The following NTRK3 variants were observed in gnomAD, a reference collection of about 807,000 sequenced individuals.
NTRK3 encodes neurotrophic receptor tyrosine kinase 3.
In NTRK3, 24 loss-of-function variants were observed where a neutral mutation model predicts 91.7. That is an observed-to-expected ratio of 0.26 (90% CI 0.19 to 0.37). NTRK3 has a LOEUF of 0.37. Among genes scored for constraint, NTRK3 ranks in the 10% least tolerant of loss-of-function variants. NTRK3 has a pLI of 1.00. For missense variants in NTRK3, 880 were observed against 1,068.9 expected, an observed-to-expected ratio of 0.82 and a Z score of 2.46; for synonymous variants, 483 against 404.0, an observed-to-expected ratio of 1.20 and a Z score of -2.34.
chr15:88,204,289 T>C lies in NTRK3; in HGVS notation c.249-19990A>G, dbSNP rs191449760. On this transcript the variant is annotated intron_variant, in intron 3 of 18. Coordinates refer to ENST00000394480, the Ensembl canonical transcript of NTRK3. ...GCTCTCGCCAGTCTTGGGATTTCTC[T>C]CCTTCTGGCATACTCTCTCCCCTAT... Among the ~76,000 whole-genome samples, 89 of 152,246 alleles carry C rather than the reference T, an allele frequency of 5.8e-4. 1 individual carries two copies. The highest frequency in any genetic ancestry group is 2.0e-3 in the African/African-American group (85 of 41,534).
At chr15:88,032,059 C>A (rs1033204495) in intron 14 of NTRK3, among the ~76,000 whole-genome samples, 1 of 152,236 alleles carries the variant, frequency 6.6e-6, no homozygotes, top group African/African-American at 2.4e-5. Flanking sequence ...TGTGCTCTCT[C>A]TTGATGCAGT....
chr15:88,001,705 C>G (rs530654392), intron 14 of NTRK3, among the ~76,000 whole-genome samples: 1 of 152,270 alleles, frequency 6.6e-6, no homozygotes, highest in South Asian at 2.1e-4. Context: ...TATGTCTATC[C>G]TCATGGCAGT....
intron 3 of NTRK3, among the ~76,000 whole-genome samples, chr15:88,249,712 C>A (rs977633554): frequency 6.6e-6 from 1 of 152,140 alleles, no homozygotes; most frequent in Non-Finnish European, 1.5e-5. Flanking sequence ...TCACTGGAGT[C>A]TTCACTCCTT....
chr15:87,875,473 G>C (rs768914841), exon 19 of NTRK3: 3 of 232,270 alleles, frequency 1.3e-5, no homozygotes, highest in Non-Finnish European at 2.6e-5. Context: ...CCCTCTCTCC[G>C]GTCAGGGCTC....
chr15:87,964,352 T>G (rs543283076), intron 14 of NTRK3, among the ~76,000 whole-genome samples: 19 of 151,178 alleles, frequency 1.3e-4, no homozygotes, highest in African/African-American at 4.4e-4. Flanking sequence ...TTCAATAAAG[T>G]TTACATATAT....
chr15:88,206,582 C>T (rs1200671743), intron 3 of NTRK3, among the ~76,000 whole-genome samples: 1 of 146,280 alleles, frequency 6.8e-6, no homozygotes. Flanking sequence ...GGCGCGAACC[C>T]GGGAGGCGGA....
intron 17 of NTRK3, among the ~76,000 whole-genome samples, chr15:87,920,170 C>A (rs1407841087): frequency 6.6e-6 from 1 of 152,130 alleles, no homozygotes; most frequent in Non-Finnish European, 1.5e-5. Context: ...TCCAAAGTGA[C>A]TGATATTTTG....
chr15:88,080,506 T>G (rs531361515), intron 13 of NTRK3, among the ~76,000 whole-genome samples: 1 of 152,258 alleles, frequency 6.6e-6, no homozygotes, highest in Non-Finnish European at 1.5e-5. Flanking sequence ...ATTCTGGGAA[T>G]TGCCTGTTCC....
At chr15:88,059,774 A>G (rs909176453) in intron 13 of NTRK3, among the ~76,000 whole-genome samples, 1 of 152,204 alleles carries the variant, frequency 6.6e-6, no homozygotes, top group Non-Finnish European at 1.5e-5. Flanking sequence ...CCAGGGCCTC[A>G]AAATGTAACT....
chr15:88,079,520 A>G (rs893694177), intron 13 of NTRK3, among the ~76,000 whole-genome samples: 2 of 152,190 alleles, frequency 1.3e-5, no homozygotes, highest in African/African-American at 2.4e-5. Flanking sequence ...CTCTCAGCTC[A>G]TAGCTTAAAG....
intron 14 of NTRK3, among the ~76,000 whole-genome samples, chr15:88,011,224 G>T (rs139603284): frequency 5.7e-4 from 87 of 152,200 alleles, no homozygotes; most frequent in African/African-American, 2.0e-3. Flanking sequence ...TGTATCTGTT[G>T]TTCCCTCCAC....
intron 8 of NTRK3, 65 bp from the exon 9 acceptor site, chr15:88,136,105 C>T: frequency 6.3e-7 from 1 of 1,577,446 alleles, no homozygotes; most frequent in South Asian, 1.1e-5. Flanking sequence ...GCTACCTAAT[C>T]CCCAAATACC....
At chr15:88,071,499 G>T (rs1392524523) in intron 13 of NTRK3, among the ~76,000 whole-genome samples, 2 of 152,212 alleles carry the variant, frequency 1.3e-5, no homozygotes, top group Non-Finnish European at 2.9e-5. Flanking sequence ...CTTTATCTCT[G>T]AACAGCTACA....
chr15:88,026,629 C>T (rs144450791), intron 14 of NTRK3, among the ~76,000 whole-genome samples: 215 of 152,184 alleles, frequency 1.4e-3, no homozygotes, highest in Middle Eastern at 6.8e-3. Context: ...TCTTAAATTG[C>T]GGCTTTAATT....
intron 5 of NTRK3, among the ~76,000 whole-genome samples, chr15:88,160,592 G>C (rs1223845966): frequency 2.0e-5 from 3 of 152,290 alleles, no homozygotes; most frequent in East Asian, 1.9e-4. Flanking sequence ...CCCACTTCTA[G>C]CAGGGTCCAG....
At chr15:88,137,375 C>G (rs1298336001) in intron 7 of NTRK3, 29 bp downstream of exon 7, 1 of 1,611,754 alleles carries the variant, frequency 6.2e-7, no homozygotes, top group Non-Finnish European at 8.5e-7. Context: ...CTCCCTGGAG[C>G]CAGCTGGGCC....
chr15:87,940,303 C>T (rs2069702154), intron 15 of NTRK3, among the ~76,000 whole-genome samples: 1 of 152,212 alleles, frequency 6.6e-6, no homozygotes, highest in Non-Finnish European at 1.5e-5. Context: ...AAAGCCACTA[C>T]ATGGTGAAGG....
intron 3 of NTRK3, among the ~76,000 whole-genome samples, chr15:88,216,082 G>A (rs2049740696): frequency 6.6e-6 from 1 of 152,196 alleles, no homozygotes; most frequent in Admixed American, 6.5e-5. Flanking sequence ...ACCCAGTACA[G>A]TGTCTGGCCC....
chr15:88,219,958 C>T (rs1344090174), intron 3 of NTRK3, among the ~76,000 whole-genome samples: 2 of 152,282 alleles, frequency 1.3e-5, no homozygotes, highest in East Asian at 1.9e-4. Context: ...GCCCGCACCC[C>T]CTCCTCTCTT....
Sources: allele counts gnomAD v4.1 joint callset (sites outside exome capture counted in the v4.1 genomes callset), GRCh38; gene constraint gnomAD v4.1.1; transcripts MANE v1.5; gene names NCBI Gene and HGNC (gene_info 2026-07-23, HGNC 2026-07-21).